RIPK1: variants seen among roughly 807,000 people sequenced by gnomAD.
RIPK1 encodes the protein receptor-interacting serine/threonine-protein kinase 1.
Under a neutral mutation model 62.4 loss-of-function variants are expected in RIPK1, and 27 were observed. The ratio of observed to expected loss-of-function variants is 0.43; its 90% CI spans 0.32 to 0.60. The LOEUF (loss-of-function observed/expected upper bound fraction) is 0.60, where lower values mean the gene tolerates loss of function less well. Among genes scored for constraint, RIPK1 ranks in the 20% least tolerant of loss-of-function variants. RIPK1 has a pLI of 0.07. For synonymous variants in RIPK1, 287 were observed against 303.2 expected, an observed-to-expected ratio of 0.95 and a Z score of 0.55; for missense variants, 735 against 831.0, an observed-to-expected ratio of 0.88 and a Z score of 1.42.
At chr6:3,085,507 G>T in intron 6 of RIPK1, 99 bp downstream of exon 6, 1 of 1,274,260 alleles carries the variant, frequency 7.8e-7, no homozygotes, top group Non-Finnish European at 1.1e-6. Context: ...AGAAAACTGA[G>T]TTCGACTTGA....
At chr6:3,076,699 CATATATATATATATATAT>C (rs10526418) in intron 1 of RIPK1, 47 bp from the exon 2 acceptor site, 5 of 217,784 alleles carry the variant, frequency 2.3e-5, no homozygotes, top group East Asian at 1.9e-4. Context: ...AAAAAAAAAA[CATATATATATATATATAT>C]ATATATATAG....
In RIPK1 at chr6:3,083,338, G is replaced by C. The variant is rs1189395052; in HGVS notation, c.688+25G>C. On this transcript the variant is annotated intron_variant, in intron 5 of 10. Transcript: ENST00000259808. ...AGTAAGGCATTACTTACTTTCCACT[G>C]CCGTCCCCTCAGCATCTACACGCAC... is the stretch of plus-strand genomic sequence containing the variant. 4 of 1,581,476 alleles carry C rather than the reference G, an allele frequency of 2.5e-6. No homozygotes were observed. The African/African-American group carries it at 5.4e-5, about 21-fold the overall frequency.
intron 1 of RIPK1, among the ~76,000 whole-genome samples, chr6:3,073,874 T>C (rs1405171182): frequency 6.6e-6 from 1 of 152,252 alleles, no homozygotes; most frequent in African/African-American, 2.4e-5. Context: ...GTCTGAAGGT[T>C]ACGTCCACCA....
chr6:3,101,391 G>T (rs1760582816), intron 7 of RIPK1, among the ~76,000 whole-genome samples: 1 of 152,232 alleles, frequency 6.6e-6, no homozygotes, highest in South Asian at 2.1e-4. Flanking sequence ...GGAGTTGGAG[G>T]TTTCAGTGAG....
At chr6:3,109,462 T>C (rs952580122) in intron 9 of RIPK1, among the ~76,000 whole-genome samples, 2 of 152,042 alleles carry the variant, frequency 1.3e-5, no homozygotes, top group Non-Finnish European at 2.9e-5. Flanking sequence ...GGCAGAGCTG[T>C]GGCTAGCTTC....
intron 4 of RIPK1, 99 bp downstream of exon 4, chr6:3,081,215 C>A: frequency 1.5e-6 from 2 of 1,351,946 alleles, no homozygotes; most frequent in Non-Finnish European, 2.0e-6. Context: ...TAAAGGAAGA[C>A]CTAGCTCAGC....
chr6:3,105,633 T>G lies in RIPK1; in HGVS notation c.1158T>G (p.Leu386=). 6.2e-7 allele frequency: 1 copy of G among 1,614,018 alleles called. No homozygotes were observed. Among genetic ancestry groups the G allele is most frequent in the African/African-American group, 1.3e-5 (1 of 75,012 alleles). ...TCCAAGACGAAGCCAACTACCATCT[T>G]TATGGCAGCCGCATGGACAGGCAGA... ...SKLQDEANYH[L]YGSRMDRQTK... Residue 386 remains leucine, a synonymous_variant, in exon 9 of 11, where the codon CTT becomes CTG. Transcript: ENST00000259808. The surrounding 1 kb of genome is among the most constrained non-coding windows in gnomAD (Gnocchi z 4.5).
intron 10 of RIPK1, among the ~76,000 whole-genome samples, chr6:3,112,629 C>G (rs1012007316): frequency 6.6e-6 from 1 of 152,210 alleles, no homozygotes; most frequent in African/African-American, 2.4e-5. Flanking sequence ...CTCCTGAGTT[C>G]AAGTGATCCT....
rs756458355 is a variant in RIPK1, at chr6:3,083,051, C to G, written c.460-34C>G. ...AGATCTGATTTGCTTACGGCCTTCA[C>G]CAAACAATCCCAGTGGCTCAATGTC... On this transcript the variant is annotated intron_variant, in intron 4 of 10. Coordinates refer to ENST00000259808, the MANE Select transcript of RIPK1 (RefSeq NM_001354930.2). 3 of 1,603,516 alleles carry G rather than the reference C, an allele frequency of 1.9e-6. No individual in the cohort carries two copies. In the African/African-American group the frequency reaches 4.0e-5, roughly 21 times the overall value.
At position 3,083,210 on chromosome 6, in the gene RIPK1, C is replaced by G; in HGVS notation, c.585C>G (p.Pro195=). The G allele has an allele frequency of 9.3e-6, 15 of 1,613,918 alleles. No individual in the cohort carries two copies. The highest frequency in any genetic ancestry group is 1.3e-5 in the Non-Finnish European group (15 of 1,179,978). The change falls in exon 5 of 11, where the codon CCC becomes CCG. Residue 195 remains proline (P), a synonymous_variant. Coordinates refer to ENST00000259808, the MANE Select transcript of RIPK1 (RefSeq NM_001354930.2). The stretch of plus-strand genomic sequence containing the variant: ...GCGGCACCCTCTACTACATGGCGCC[C>G]GAGCACCTGAATGACGTCAACGCAA... ...KNGGTLYYMA[P]EHLNDVNAKP...
At chr6:3,099,008 G>C (rs1224312353) in intron 7 of RIPK1, among the ~76,000 whole-genome samples, 1 of 152,224 alleles carries the variant, frequency 6.6e-6, no homozygotes, top group Non-Finnish European at 1.5e-5. Context: ...TGTTCACTCA[G>C]CTCCTTGCAA....
At chr6:3,112,255 A>G (rs1208274869) in intron 10 of RIPK1, among the ~76,000 whole-genome samples, 1 of 152,214 alleles carries the variant, frequency 6.6e-6, no homozygotes, top group African/African-American at 2.4e-5. Flanking sequence ...CGCCTGCTGG[A>G]CAATTCCTTG....
Position 3,081,241 on chromosome 6 carries a change from A to G in RIPK1, c.459+125A>G, listed in dbSNP as rs916560286. Reference sequence around the variant, plus strand: ...CTAGCTCAGCTTATAACTGTTGATGATGGTGCCGAAAGGCTCTACCGGTGA... The same window carrying G: ...CTAGCTCAGCTTATAACTGTTGATGGTGGTGCCGAAAGGCTCTACCGGTGA... On this transcript the variant is annotated intron_variant, in intron 4 of 10. Coordinates refer to ENST00000259808, the MANE Select transcript of RIPK1 (RefSeq NM_001354930.2). 17 of 1,097,798 alleles carry G rather than the reference A, an allele frequency of 1.5e-5. No individual in the cohort carries two copies. The African/African-American group carries it at 2.1e-4, about 13-fold the overall frequency. 68.0% of individuals were successfully genotyped at this position (1,097,798 alleles called of 1,614,324 possible).
At chr6:3,068,343 C>G, upstream of RIPK1, 1 of 985,450 alleles carries the variant, frequency 1.0e-6, no homozygotes, top group Non-Finnish European at 1.2e-6. Flanking sequence ...GGCCGCCCCA[C>G]TCGCTTGAAA....
chr6:3,105,452 C>G lies in RIPK1; in HGVS notation c.1007-30C>G, dbSNP rs914539813. On this transcript the variant is annotated intron_variant, in intron 8 of 10. Transcript: ENST00000259808. This position sits in a 1 kb window ranked among gnomAD's most constrained non-coding sequence, Gnocchi z 4.5. ...TTTTACTTTTTAATGTTTCATGACA[C>G]CCATTCTAATGTTGATCATTTCTTC... 6.9e-7 allele frequency: 1 copy of G among 1,455,508 alleles called. No individual in the cohort carries two copies. The highest frequency in any genetic ancestry group is 9.3e-7 in the Non-Finnish European group (1 of 1,079,478). 90.2% of individuals were successfully genotyped at this position (1,455,508 alleles called of 1,614,324 possible). A position where few individuals can be genotyped will look rare whatever the true frequency, so the allele number is the denominator to read the frequency against.
At chr6:3,101,965 C>T (rs1354441158) in intron 7 of RIPK1, among the ~76,000 whole-genome samples, 2 of 152,172 alleles carry the variant, frequency 1.3e-5, no homozygotes, top group South Asian at 2.1e-4. Context: ...CCTCTCCCAG[C>T]CCCTGGTAGC....
At chr6:3,071,135 A>G (rs568230576) in intron 1 of RIPK1, among the ~76,000 whole-genome samples, 1 of 152,332 alleles carries the variant, frequency 6.6e-6, no homozygotes, top group East Asian at 1.9e-4. Context: ...GCTGTAATCA[A>G]GGAAGTTGGA....
chr6:3,104,687 G>A lies in RIPK1; in HGVS notation c.1006+372G>A, dbSNP rs530744200. Among the ~76,000 whole-genome samples the A allele has an allele frequency of 9.9e-5, 15 of 152,240 alleles. No homozygotes were observed. The South Asian group carries it at 1.2e-3, about 13-fold the overall frequency. On this transcript the variant is annotated intron_variant, in intron 8 of 10. Transcript: ENST00000259808. Reference sequence around the variant, plus strand: ...GTCAAGTAGGGATACTTTTTTCACTGTAACAAAAGGGATGGCAGAGTATAG... The same window carrying A: ...GTCAAGTAGGGATACTTTTTTCACTATAACAAAAGGGATGGCAGAGTATAG...
intron 1 of RIPK1, among the ~76,000 whole-genome samples, chr6:3,074,341 G>A (rs892938858): frequency 1.3e-5 from 2 of 152,130 alleles, no homozygotes; most frequent in African/African-American, 2.4e-5. Flanking sequence ...TTTGCATTTC[G>A]TTCATGCGGT....
Sources: gnomAD v4.1 joint callset for allele counts (sites outside exome capture counted in the v4.1 genomes callset) on GRCh38, gnomAD v4.1.1 for gene constraint, Gnocchi (gnomAD v3.1) non-coding constraint, MANE v1.5 for transcripts, NCBI Gene and HGNC (gene_info 2026-07-23, HGNC 2026-07-21) for gene names.